CPS1: variants seen among roughly 807,000 people sequenced by gnomAD.
CPS1 encodes the protein carbamoyl-phosphate synthase [ammonia], mitochondrial.
Under a neutral mutation model 174.6 loss-of-function variants are expected in CPS1, and 109 were observed. The ratio of observed to expected loss-of-function variants is 0.62; its 90% confidence interval spans 0.53 to 0.73. The LOEUF (loss-of-function observed/expected upper bound fraction) is 0.73. CPS1 is among the 30% of genes least tolerant of loss of function. The pLI is 0.00. For synonymous variants in CPS1, 637 were observed against 632.0 expected (o/e 1.01, Z -0.12); for missense variants, 1,689 against 1,821.9 (o/e 0.93, Z 1.33).
chr2:210,673,815 A>C (rs923607367), intron 34 of CPS1: 7 of 152,216 alleles, frequency 4.6e-5, no homozygotes, highest in African/African-American at 1.7e-4. Flanking sequence ...ATTCCTGTTC[A>C]ACAGATGAGG....
intron 1 of CPS1, among the ~76,000 whole-genome samples, chr2:210,538,646 T>G (rs914636893): frequency 6.6e-6 from 1 of 152,134 alleles, no homozygotes; most frequent in Non-Finnish European, 1.5e-5. Flanking sequence ...AGGGCTACAG[T>G]GTACAACTTA....
In CPS1 at chr2:210,657,097, CAGTT is replaced by C. The variant is rs557631202; in HGVS notation, c.3666+468_3666+471del. Among the ~76,000 whole-genome samples, 17 of 152,278 alleles carry C rather than the reference CAGTT, an allele frequency of 1.1e-4. No individual in the cohort carries two copies. The South Asian group carries it at 3.3e-3, about 30-fold the overall frequency. On this transcript the variant is annotated intron_variant, in intron 30 of 37. Coordinates refer to ENST00000233072, the MANE Select transcript of CPS1 (RefSeq NM_001875.5). ...GAGCGGCATCTGAAGCAATGCTTCT[CAGTT>C]AGGAGTGGTGAAACAGGTGTGGACC... is the stretch of plus-strand genomic sequence containing the variant.
chr2:210,622,059 C>A (rs1699545871), intron 21 of CPS1, among the ~76,000 whole-genome samples: 1 of 151,672 alleles, frequency 6.6e-6, no homozygotes, highest in South Asian at 2.1e-4. Context: ...GACTCCAGAA[C>A]CCAGGATACT....
At position 210,582,677 on chromosome 2, in the gene CPS1, A is replaced by G. The variant is rs1697963670; in HGVS notation, c.589A>G (p.Lys197Glu). 6.2e-7 allele frequency: 1 copy of G among 1,613,170 alleles called. No individual in the cohort carries two copies. Among genetic ancestry groups the G allele is most frequent in the African/African-American group, 1.3e-5 (1 of 74,866 alleles). ...GQPVDFVDPN[K>E]QNLIAEVSTK... ...GCCTGTGGATTTTGTGGATCCAAAT[A>G]AACAGAATTTGATTGCTGAGGTTTC... The change falls in exon 6 of 38, where the codon AAA becomes GAA. Residue 197 changes from lysine (K) to glutamate (E), a missense_variant. Lys to Glu is a moderately conservative substitution (Grantham distance 56, BLOSUM62 1). Transcript: ENST00000233072.
At chr2:210,611,284 G>C (rs1294242239) in intron 19 of CPS1, among the ~76,000 whole-genome samples, 1 of 151,946 alleles carries the variant, frequency 6.6e-6, no homozygotes, top group Non-Finnish European at 1.5e-5. Context: ...GTGGTAATTT[G>C]AGTCTATTTG....
intron 1 of CPS1, among the ~76,000 whole-genome samples, chr2:210,534,991 C>A (rs567268305): frequency 9.2e-5 from 14 of 152,278 alleles, no homozygotes; most frequent in African/African-American, 3.4e-4. Context: ...ACTGGGTCTG[C>A]ATGGGCCTGC....
chr2:210,550,022 G>GT (rs1696685225), intron 1 of CPS1, among the ~76,000 whole-genome samples: 1 of 151,966 alleles, frequency 6.6e-6, no homozygotes, highest in African/African-American at 2.4e-5. Flanking sequence ...GCTATTTTAG[G>GT]TAAGTCCAGC....
At chr2:210,481,959 G>C (rs1694580367) in intron 1 of CPS1, among the ~76,000 whole-genome samples, 1 of 152,234 alleles carries the variant, frequency 6.6e-6, no homozygotes, top group Admixed American at 6.5e-5. Context: ...AACAGCCAGG[G>C]CTGCAGCTGC....
At chr2:210,569,747 T>C (rs1252963539) in intron 1 of CPS1, among the ~76,000 whole-genome samples, 2 of 151,980 alleles carry the variant, frequency 1.3e-5, no homozygotes, top group African/African-American at 4.8e-5. Flanking sequence ...CATGATAAGG[T>C]CCTTTATTTT....
intron 21 of CPS1, among the ~76,000 whole-genome samples, chr2:210,623,310 G>C (rs1699591815): frequency 1.3e-5 from 2 of 152,034 alleles, no homozygotes; most frequent in Non-Finnish European, 2.9e-5. Context: ...TACCATACGA[G>C]TATTGGAAGC....
At chr2:210,484,020 CAA>C (rs890627314) in intron 1 of CPS1, among the ~76,000 whole-genome samples, 2 of 152,126 alleles carry the variant, frequency 1.3e-5, no homozygotes, top group African/African-American at 4.8e-5. Context: ...AAATATCTCA[CAA>C]ATAAGAAACT....
intron 1 of CPS1, among the ~76,000 whole-genome samples, chr2:210,504,286 C>T (rs1385820229): frequency 3.9e-5 from 6 of 152,032 alleles, no homozygotes; most frequent in East Asian, 1.9e-4. Flanking sequence ...ACAAAACAAC[C>T]GACCAAACAA....
chr2:210,644,460 CT>C (rs760299044), intron 25 of CPS1, among the ~76,000 whole-genome samples: 82 of 152,008 alleles, frequency 5.4e-4, no homozygotes, highest in Non-Finnish European at 1.1e-3. Context: ...AAATGTAATC[CT>C]AAAATACTGC....
chr2:210,574,623 G>T (rs1436572068), intron 2 of CPS1, among the ~76,000 whole-genome samples: 4 of 152,024 alleles, frequency 2.6e-5, no homozygotes, highest in Non-Finnish European at 5.9e-5. Flanking sequence ...ACAAACAACT[G>T]TTTAATATAG....
At chr2:210,612,334 C>T (rs776029157) in intron 20 of CPS1, 41 bp downstream of exon 20, 2 of 1,603,268 alleles carry the variant, frequency 1.2e-6, no homozygotes, top group South Asian at 2.2e-5. Flanking sequence ...AGTTGCTTTT[C>T]CAGAATGTAG....
intron 1 of CPS1, among the ~76,000 whole-genome samples, chr2:210,488,857 A>T (rs1388901212): frequency 6.6e-6 from 1 of 152,114 alleles, no homozygotes; most frequent in Non-Finnish European, 1.5e-5. Flanking sequence ...TAAAGAGGTT[A>T]ATTTTTTATA....
intron 13 of CPS1, 28 bp downstream of exon 13, chr2:210,595,610 T>C: frequency 3.5e-6 from 5 of 1,430,768 alleles, no homozygotes; most frequent in Non-Finnish European, 4.9e-6. Flanking sequence ...TTACTAGAAT[T>C]AATATGCTTC....
At chr2:210,657,446 G>A (rs1401260723) in intron 30 of CPS1, 1 of 151,886 alleles carries the variant, frequency 6.6e-6, no homozygotes, top group Non-Finnish European at 1.5e-5. Context: ...GAGTAGCTGG[G>A]ACTACAGGCA....
chr2:210,544,510 A>G (rs967140567), intron 1 of CPS1, among the ~76,000 whole-genome samples: 2 of 152,080 alleles, frequency 1.3e-5, no homozygotes, highest in Non-Finnish European at 2.9e-5. Flanking sequence ...AGAATGTTTT[A>G]TATATTTAAT....
Sources: gnomAD v4.1 joint callset for allele counts (sites outside exome capture counted in the v4.1 genomes callset) on GRCh38, gnomAD v4.1.1 for gene constraint, MANE v1.5 for transcripts, NCBI Gene and HGNC (gene_info 2026-07-23, HGNC 2026-07-21) for gene names.